The following SLBP variants were observed in gnomAD, a reference collection of about 807,000 sequenced individuals.
The protein encoded by SLBP is histone RNA hairpin-binding protein.
A neutral mutation model predicts 39.2 loss-of-function variants in SLBP; 29 were observed. The observed-to-expected ratio is 0.74, with a 90% CI of 0.55 to 1.01. SLBP has a LOEUF of 1.01. Among genes scored for constraint, SLBP ranks in the 50% least tolerant of loss-of-function variants. SLBP has a pLI of 0.00. For synonymous variants in SLBP, 129 were observed against 118.7 expected, an observed-to-expected ratio of 1.09 and a Z score of -0.57; for missense variants, 390 against 350.2, an observed-to-expected ratio of 1.11 and a Z score of -0.91.
intron 2 of SLBP, among the ~76,000 whole-genome samples, chr4:1,709,851 T>C (rs2108665933): frequency 6.6e-6 from 1 of 152,334 alleles, no homozygotes; most frequent in East Asian, 1.9e-4. Flanking sequence ...GACCTCGTGA[T>C]CCACCCGCCT....
At chr4:1,697,477 T>A (rs1467787991) in intron 5 of SLBP, among the ~76,000 whole-genome samples, 2 of 151,062 alleles carry the variant, frequency 1.3e-5, no homozygotes, top group East Asian at 3.9e-4. Context: ...CAAAAATAAA[T>A]AAATAAATAA....
Position 1,693,496 on chromosome 4 carries a change from G to C in SLBP, c.*101C>G, listed in dbSNP as rs1171252091. The C allele has an allele frequency of 1.4e-6, 1 of 729,876 alleles. No individual in the cohort carries two copies. Among genetic ancestry groups the C allele is most frequent in the Non-Finnish European group, 2.5e-6 (1 of 404,586 alleles). The allele number at this position is 729,876 out of a possible 1,614,324, so 45.2% of individuals were successfully genotyped here. On this transcript the variant is annotated 3_prime_UTR_variant, in exon 8 of 8. Transcript: ENST00000489418. ...AGCATGAGCTAATGGACTGCTAACA[G>C]AGAAACCACCAGGTACAAGTGCACA...
At position 1,699,900 on chromosome 4, in the gene SLBP, G is replaced by A. The variant is rs1393621694; in HGVS notation, c.341+111C>T. The stretch of plus-strand genomic sequence containing the variant: ...ACAGTATTTCAAATTAGTGAAAAAG[G>A]TATTAATAAATGCTACTGCGACAGT... On this transcript the variant is annotated intron_variant, in intron 4 of 7. Transcript: ENST00000489418. The A allele has an allele frequency of 7.0e-6, 6 of 858,564 alleles. No homozygotes were observed. In the Admixed American group the frequency reaches 7.5e-5, roughly 11 times the overall value. 53.2% of individuals were successfully genotyped at this position (858,564 alleles called of 1,614,324 possible).
Position 1,693,496 on chromosome 4 carries a change from G to A in SLBP, c.*101C>T. Reference sequence around the variant, plus strand: ...AGCATGAGCTAATGGACTGCTAACAGAGAAACCACCAGGTACAAGTGCACA... The same window carrying A: ...AGCATGAGCTAATGGACTGCTAACAAAGAAACCACCAGGTACAAGTGCACA... On this transcript the variant is annotated 3_prime_UTR_variant, in exon 8 of 8. Transcript: ENST00000489418. 1.4e-6 allele frequency: 1 copy of A among 729,994 alleles called. No homozygotes were observed. The highest frequency in any genetic ancestry group is 2.5e-5 in the East Asian group (1 of 40,808). The allele number at this position is 729,994 out of a possible 1,614,324, so 45.2% of individuals were successfully genotyped here.
In SLBP at chr4:1,693,477, A is replaced by G; in HGVS notation, c.*120T>C. 1 of 676,858 alleles carries G rather than the reference A, an allele frequency of 1.5e-6. No individual in the cohort carries two copies. Among genetic ancestry groups the G allele is most frequent in the South Asian group, 1.8e-5 (1 of 56,116 alleles). The allele number at this position is 676,858 out of a possible 1,614,324, so 41.9% of individuals were successfully genotyped here. On this transcript the variant is annotated 3_prime_UTR_variant, in exon 8 of 8. Coordinates refer to ENST00000489418, the MANE Select transcript of SLBP (RefSeq NM_006527.4). The stretch of plus-strand genomic sequence containing the variant: ...AGTAAGGCAAAAATAATTCAGCATG[A>G]GCTAATGGACTGCTAACAGAGAAAC...
rs1716414416 is a variant in SLBP at position 1,703,667 on chromosome 4, GGA to G, written c.208_209del (p.Ser70GlnfsTer4). ...CTGCACTTGCCCAGTCAGAGCATCTGGAACGGGGTTTAGGGCCTTCAGGAGTG... is the reference window on the plus strand; with the variant it reads ...CTGCACTTGCCCAGTCAGAGCATCTGACGGGGTTTAGGGCCTTCAGGAGTG... ...FTTPEGPKPR[S>X]RCSDWASAVE... On this transcript the variant is annotated frameshift_variant, in exon 3 of 8. Coordinates refer to ENST00000489418, the MANE Select transcript of SLBP (RefSeq NM_006527.4). LOFTEE classifies it high-confidence loss of function. The G allele has an allele frequency of 6.2e-7, 1 of 1,613,736 alleles. No individual in the cohort carries two copies. Among genetic ancestry groups the G allele is most frequent in the South Asian group, 1.1e-5 (1 of 91,086 alleles).
intron 7 of SLBP, among the ~76,000 whole-genome samples, chr4:1,694,190 C>A (rs1042927966): frequency 2.0e-5 from 3 of 152,226 alleles, no homozygotes; most frequent in African/African-American, 7.2e-5. Flanking sequence ...TCAAGTGATT[C>A]TCCTGCCTCA....
At chr4:1,694,926 G>A in intron 6 of SLBP, 86 bp from the exon 7 acceptor site, 1 of 891,924 alleles carries the variant, frequency 1.1e-6, no homozygotes, top group East Asian at 2.4e-5. Flanking sequence ...CCATCCATAT[G>A]GTACAGCCAC....
At chr4:1,711,797 G>A (rs965360536) in intron 2 of SLBP, 77 bp downstream of exon 2, 1 of 738,910 alleles carries the variant, frequency 1.4e-6, no homozygotes, top group Non-Finnish European at 1.9e-6. Context: ...GGCACCGCGA[G>A]AGCGCGACGA....
chr4:1,698,686 G>A (rs992002614), intron 5 of SLBP, among the ~76,000 whole-genome samples: 14 of 151,864 alleles, frequency 9.2e-5, no homozygotes, highest in Non-Finnish European at 1.5e-5. Context: ...GGGTTCCACC[G>A]TGTTAGCCAG....
At chr4:1,711,184 C>T (rs1262103895) in intron 2 of SLBP, among the ~76,000 whole-genome samples, 1 of 151,882 alleles carries the variant, frequency 6.6e-6, no homozygotes, top group African/African-American at 2.4e-5. Context: ...CCTCCCATCC[C>T]CAACCCATCA....
In SLBP at chr4:1,694,817, G is replaced by A; in HGVS notation, c.653C>T (p.Ala218Val). 6.2e-7 allele frequency: 1 copy of A among 1,613,472 alleles called. No homozygotes were observed. Among genetic ancestry groups the A allele is most frequent in the Non-Finnish European group, 8.5e-7 (1 of 1,179,398 alleles). ...QEIHPVDLES[A>V]ESSSEPQTSS... ...GGTCTGGGGCTCGGAGCTGCTTTCT[G>A]CAGATTCAAGGTCTACAGGGTGTCT... The change falls in exon 7 of 8, where the codon GCA becomes GTA. Residue 218 changes from alanine to valine, a missense_variant. Coordinates refer to ENST00000489418, the MANE Select transcript of SLBP (RefSeq NM_006527.4).
At chr4:1,703,255 A>T (rs1160919918) in intron 3 of SLBP, among the ~76,000 whole-genome samples, 2 of 144,548 alleles carry the variant, frequency 1.4e-5, no homozygotes, top group African/African-American at 2.5e-5. Flanking sequence ...AAAAAAAAAG[A>T]AAGTTAGTTC....
intron 4 of SLBP, 88 bp from the exon 5 acceptor site, chr4:1,699,789 A>G (rs536871749): frequency 7.8e-7 from 1 of 1,279,394 alleles, no homozygotes; most frequent in Non-Finnish European, 1.1e-6. Flanking sequence ...AAAACACAAT[A>G]ATGGAAGATT....
At chr4:1,700,179 C>T (rs1716273331) in intron 3 of SLBP, 109 bp from the exon 4 acceptor site, 1 of 603,888 alleles carries the variant, frequency 1.7e-6, no homozygotes, top group African/African-American at 1.9e-5. Context: ...CTATGCAATC[C>T]AGAAGCTCCG....
rs1382631807 is a variant in SLBP at position 1,707,047 on chromosome 4, G to A, written c.177-3347C>T. Among the ~76,000 whole-genome samples the A allele has an allele frequency of 4.0e-5, 6 of 149,578 alleles. No individual in the cohort carries two copies. The South Asian group carries it at 8.4e-4, about 21-fold the overall frequency. On this transcript the variant is annotated intron_variant, in intron 2 of 7. Transcript: ENST00000489418. Reference sequence around the variant, plus strand: ...ATCCTGGCTAACAAGGTGAAACCCCGTCTCTACTAAAAATACAAAAAATTA... The same window carrying A: ...ATCCTGGCTAACAAGGTGAAACCCCATCTCTACTAAAAATACAAAAAATTA...
At chr4:1,700,864 T>C (rs1017089489) in intron 3 of SLBP, among the ~76,000 whole-genome samples, 1 of 152,118 alleles carries the variant, frequency 6.6e-6, no homozygotes, top group Admixed American at 6.5e-5. Flanking sequence ...ACCCCTGGCC[T>C]GTCATGCAGG....
intron 4 of SLBP, 89 bp from the exon 5 acceptor site, chr4:1,699,790 A>G: frequency 7.9e-7 from 1 of 1,269,064 alleles, no homozygotes; most frequent in South Asian, 1.3e-5. Flanking sequence ...AAACACAATA[A>G]TGGAAGATTC....
rs1246477586 is a variant in SLBP at position 1,707,984 on chromosome 4, CAGG to C, written c.176+3887_176+3889del. 2.0e-5 allele frequency among the ~76,000 whole-genome samples: 3 copies of C among 150,982 alleles called. No individual in the cohort carries two copies. The Admixed American group carries it at 2.0e-4, about 10-fold the overall frequency. On this transcript the variant is annotated intron_variant, in intron 2 of 7. Coordinates refer to ENST00000489418, the MANE Select transcript of SLBP (RefSeq NM_006527.4). ...ATCTCAGCTACTCAGGAGGCTGAGG[CAGG>C]AGAATTGCTTGAACCCGGGAGGCAG...
Sources: allele counts gnomAD v4.1 joint callset (sites outside exome capture counted in the v4.1 genomes callset), GRCh38; gene constraint gnomAD v4.1.1; transcripts MANE v1.5; gene names NCBI Gene and HGNC (gene_info 2026-07-23, HGNC 2026-07-21).